The following KCNQ1 variants were observed in gnomAD, a reference collection of about 807,000 sequenced individuals.
The protein encoded by KCNQ1 is potassium voltage-gated channel subfamily KQT member 1.
A neutral mutation model predicts 72.4 loss-of-function variants in KCNQ1; 49 were observed. The ratio of observed to expected loss-of-function variants is 0.68; its 90% CI spans 0.54 to 0.86. The LOEUF (loss-of-function observed/expected upper bound fraction) is 0.86, where lower values mean the gene tolerates loss of function less well. KCNQ1 is among the 40% of genes least tolerant of loss of function. The pLI is 0.00. For synonymous variants in KCNQ1, 450 were observed against 412.6 expected, an observed-to-expected ratio of 1.09 and a Z score of -1.10; for missense variants, 790 against 945.1, an observed-to-expected ratio of 0.84 and a Z score of 2.15.
intron 11 of KCNQ1, among the ~76,000 whole-genome samples, chr11:2,730,751 C>A (rs1845844969): frequency 6.6e-6 from 1 of 152,230 alleles, no homozygotes; most frequent in Admixed American, 6.5e-5. Flanking sequence ...CCAAGAGGGG[C>A]TGCCCCTGGG....
intron 14 of KCNQ1, 44 bp from the exon 15 acceptor site, chr11:2,777,932 C>T (rs1238404481): frequency 1.9e-6 from 3 of 1,593,918 alleles, no homozygotes; most frequent in African/African-American, 1.3e-5. Flanking sequence ...GTCCCCGGCC[C>T]ACCCCAGCAC....
intron 15 of KCNQ1, among the ~76,000 whole-genome samples, chr11:2,835,605 C>T (rs1848046803): frequency 6.6e-6 from 1 of 152,232 alleles, no homozygotes; most frequent in Admixed American, 6.5e-5. Flanking sequence ...GAGCTGACCC[C>T]CTGCCGTGGC....
intron 1 of KCNQ1, among the ~76,000 whole-genome samples, chr11:2,500,635 C>G (rs1026401388): frequency 1.3e-5 from 2 of 152,106 alleles, no homozygotes; most frequent in African/African-American, 2.4e-5. Flanking sequence ...AAATGCCCAT[C>G]AATGATAGGC....
chr11:2,744,912 G>C (rs1846114242), intron 11 of KCNQ1, among the ~76,000 whole-genome samples: 1 of 152,064 alleles, frequency 6.6e-6, no homozygotes, highest in Non-Finnish European at 1.5e-5. Context: ...GTCTATGGTG[G>C]TCGATGGTGT....
Position 2,546,961 on chromosome 11 carries a change from C to T in KCNQ1, c.477+18943C>T, listed in dbSNP as rs530170428. Among the ~76,000 whole-genome samples the T allele has an allele frequency of 2.8e-4, 42 of 152,312 alleles. 2 individuals are homozygous for T. In the South Asian group the frequency reaches 8.3e-3, roughly 30 times the overall value. On this transcript the variant is annotated intron_variant, in intron 2 of 15. Transcript: ENST00000155840. ...TTGTTAGCATGGTATATATTTTACT[C>T]ATTTACTTTCAAACCATTTGTGTCT... is the stretch of plus-strand genomic sequence containing the variant.
rs4430486 is a variant in KCNQ1 at position 2,764,161 on chromosome 11, C to G, written c.1515-4683C>G. On this transcript the variant is annotated intron_variant, in intron 11 of 15. Coordinates refer to ENST00000155840, the MANE Select transcript of KCNQ1 (RefSeq NM_000218.3). The surrounding 1 kb of genome is among the most constrained non-coding windows in gnomAD (Gnocchi z 4.8). ...CACATTTCACTATTAAGTATGATGT[C>G]TGCTTAGGGTTTGGGTTTTTTTGTT... Among the ~76,000 whole-genome samples the G allele has an allele frequency of 0.14, 21,808 of 151,326 alleles. 1,694 individuals are homozygous for G. Among genetic ancestry groups the G allele is most frequent in the Middle Eastern group, 0.21 (60 of 292 alleles).
At position 2,512,858 on chromosome 11, in the gene KCNQ1, G is replaced by A. The variant is rs191859770; in HGVS notation, c.387-15070G>A. Among the ~76,000 whole-genome samples, 16 of 152,320 alleles carry A rather than the reference G, an allele frequency of 1.1e-4. No individual in the cohort carries two copies. In the South Asian group the frequency reaches 2.3e-3, roughly 22 times the overall value. On this transcript the variant is annotated intron_variant, in intron 1 of 15. Transcript: ENST00000155840. ...GTTGGCGTGTCCTGCTCCCCAGGGC[G>A]GTCTGTCCCCTTGGCGAGATCCTTG...
At chr11:2,731,760 C>T (rs2133941405) in intron 11 of KCNQ1, among the ~76,000 whole-genome samples, 1 of 152,356 alleles carries the variant, frequency 6.6e-6, no homozygotes, top group African/African-American at 2.4e-5. Context: ...CTGCCAGCCA[C>T]CCAGGAGGCT....
intron 7 of KCNQ1, 30 bp from the exon 8 acceptor site, chr11:2,585,182 G>T (rs374671626): frequency 5.9e-5 from 94 of 1,599,224 alleles, no homozygotes; most frequent in Middle Eastern, 1.7e-4. Context: ...GGCCTGTGTG[G>T]ACGGGAGCCT....
chr11:2,716,141 T>A (rs1221684935), intron 11 of KCNQ1, among the ~76,000 whole-genome samples: 3 of 152,218 alleles, frequency 2.0e-5, no homozygotes, highest in Non-Finnish European at 4.4e-5. Flanking sequence ...CGGATCCTCA[T>A]TAATGGCTGT....
At chr11:2,814,987 C>A (rs559001249) in intron 15 of KCNQ1, among the ~76,000 whole-genome samples, 1 of 152,330 alleles carries the variant, frequency 6.6e-6, no homozygotes, top group South Asian at 2.1e-4. Flanking sequence ...CCTTCTGAGG[C>A]CTGCTCTGCA....
chr11:2,451,201 C>T lies in KCNQ1; in HGVS notation c.386+5717C>T, dbSNP rs997367013. On this transcript the variant is annotated intron_variant, in intron 1 of 15. Coordinates refer to ENST00000155840, the MANE Select transcript of KCNQ1 (RefSeq NM_000218.3). This position sits in a 1 kb window ranked among gnomAD's most constrained non-coding sequence, Gnocchi z 6.4. ...TTTTATGGAAGAAAGATTTTTCCACCCGGGCAGTGGTGATCTTGGGATGAA... is the reference window on the plus strand; with the variant it reads ...TTTTATGGAAGAAAGATTTTTCCACTCGGGCAGTGGTGATCTTGGGATGAA... 6.6e-6 allele frequency among the ~76,000 whole-genome samples: 1 copy of T among 152,260 alleles called. No homozygotes were observed. Among genetic ancestry groups the T allele is most frequent in the Admixed American group, 6.5e-5 (1 of 15,296 alleles).
At chr11:2,490,656 G>A (rs552296227) in intron 1 of KCNQ1, among the ~76,000 whole-genome samples, 1 of 152,168 alleles carries the variant, frequency 6.6e-6, no homozygotes, top group Admixed American at 6.5e-5. Context: ...AATTCTTCTG[G>A]ATCTTATCTA....
intron 10 of KCNQ1, chr11:2,622,458 T>C (rs1019585756): frequency 1.3e-5 from 5 of 398,314 alleles, no homozygotes; most frequent in Admixed American, 8.8e-5. Flanking sequence ...AGTGAGTTTG[T>C]TATATACAGC....
chr11:2,722,652 T>C (rs1363601040), intron 11 of KCNQ1, among the ~76,000 whole-genome samples: 1 of 152,130 alleles, frequency 6.6e-6, no homozygotes, highest in Non-Finnish European at 1.5e-5. Context: ...GGGTCGGCAG[T>C]GGCGGACCGA....
intron 2 of KCNQ1, among the ~76,000 whole-genome samples, chr11:2,533,777 G>A (rs1847681284): frequency 6.6e-6 from 1 of 152,180 alleles, no homozygotes; most frequent in Non-Finnish European, 1.5e-5. Flanking sequence ...CCCTGGCCCA[G>A]GTGAGGGCCT....
At chr11:2,582,062 G>T (rs1168389307) in intron 6 of KCNQ1, among the ~76,000 whole-genome samples, 1 of 152,220 alleles carries the variant, frequency 6.6e-6, no homozygotes, top group Non-Finnish European at 1.5e-5. Flanking sequence ...GGCCTGTCCC[G>T]CCCTGTGGCC....
Position 2,497,502 on chromosome 11 carries a change from T to C in KCNQ1, c.387-30426T>C, listed in dbSNP as rs1321217983. Among the ~76,000 whole-genome samples the C allele has an allele frequency of 6.6e-6, 1 of 152,198 alleles. No individual in the cohort carries two copies. Among genetic ancestry groups the C allele is most frequent in the African/African-American group, 2.4e-5 (1 of 41,432 alleles). ...TGCATCACAAAGTTCTCATGCTGTG[T>C]TTTTCAGCTCCATGAGGTCATTTAT... On this transcript the variant is annotated intron_variant, in intron 1 of 15. Transcript: ENST00000155840. This position sits in a 1 kb window ranked among gnomAD's most constrained non-coding sequence, Gnocchi z 4.5.
chr11:2,664,111 A>T lies in KCNQ1; in HGVS notation c.1514+2030A>T, dbSNP rs1445244688. 1 of 398,606 alleles carries T rather than the reference A, an allele frequency of 2.5e-6. No individual in the cohort carries two copies. Among genetic ancestry groups the T allele is most frequent in the Non-Finnish European group, 4.4e-6 (1 of 226,140 alleles). The allele number at this position is 398,606 out of a possible 1,614,324, so 24.7% of individuals were successfully genotyped here. A position where few individuals can be genotyped will look rare whatever the true frequency, so the allele number is the denominator to read the frequency against. On this transcript the variant is annotated intron_variant, in intron 11 of 15. Transcript: ENST00000155840. The surrounding 1 kb of genome is among the most constrained non-coding windows in gnomAD (Gnocchi z 5.1). ...CAGAGACTCCAGTCATTACCCAACC[A>T]GGTCCCTGCCCTGTAACTTACCAAG...
Sources: allele counts gnomAD v4.1 joint callset (sites outside exome capture counted in the v4.1 genomes callset), GRCh38; gene constraint gnomAD v4.1.1; non-coding constraint Gnocchi (gnomAD v3.1); transcripts MANE v1.5; gene names NCBI Gene and HGNC (gene_info 2026-07-23, HGNC 2026-07-21).